The following DPY19L3 variants were observed in gnomAD, a reference collection of about 807,000 sequenced individuals.
DPY19L3 encodes the protein dpy-19 like C-mannosyltransferase 3.
In DPY19L3, 51 loss-of-function variants were observed where a neutral mutation model predicts 92.3. The observed-to-expected ratio is 0.55, with a 90% confidence interval of 0.44 to 0.70. The LOEUF is 0.70. Among genes scored for constraint, DPY19L3 ranks in the 30% least tolerant of loss-of-function variants. The pLI is 0.00. For synonymous variants in DPY19L3, 309 were observed against 315.2 expected, an observed-to-expected ratio of 0.98 and a Z score of 0.21; for missense variants, 706 against 855.9, an observed-to-expected ratio of 0.82 and a Z score of 2.18.
At chr19:32,406,094 G>C (rs1234832721) in intron 1 of DPY19L3, 185 bp downstream of exon 1, 2 of 151,962 alleles carry the variant, frequency 1.3e-5, no homozygotes, top group Non-Finnish European at 2.9e-5. Context: ...TGTCTGCCGG[G>C]ACGCGGGCCG....
At position 32,463,870 on chromosome 19, in the gene DPY19L3, A is replaced by G; in HGVS notation, c.1447A>G (p.Met483Val). 1.2e-6 allele frequency: 2 copies of G among 1,612,516 alleles called. No homozygotes were observed. Among genetic ancestry groups the G allele is most frequent in the Non-Finnish European group, 1.7e-6 (2 of 1,178,838 alleles). ...FGFLALSTMR[M>V]KYLWTSHMCV... ...TTGCGCCTGTGTCTGTTCTTGCAGA[A>G]TGAAGTACCTCTGGACGTCACACAT... Residue 483 changes from methionine (M) to valine (V), a missense_variant and splice_region_variant, in exon 14 of 19, where the codon ATG becomes GTG. Transcript: ENST00000392250.
At chr19:32,406,551 T>C (rs939176915) in intron 1 of DPY19L3, among the ~76,000 whole-genome samples, 4 of 151,840 alleles carry the variant, frequency 2.6e-5, no homozygotes, top group African/African-American at 9.7e-5. Flanking sequence ...AGGGTCTCGC[T>C]CTGTTCCCCA....
intron 16 of DPY19L3, among the ~76,000 whole-genome samples, chr19:32,472,970 T>C (rs1970400918): frequency 6.6e-6 from 1 of 152,236 alleles, no homozygotes. Context: ...CCTATAAGCC[T>C]CTTTTCTATT....
chr19:32,427,429 C>T (rs1191526662), intron 3 of DPY19L3, among the ~76,000 whole-genome samples: 1 of 152,212 alleles, frequency 6.6e-6, no homozygotes, highest in Admixed American at 6.5e-5. Flanking sequence ...CAACATCACT[C>T]TTTCTTTTTA....
intron 12 of DPY19L3, among the ~76,000 whole-genome samples, chr19:32,460,399 A>T (rs1969999993): frequency 6.6e-6 from 1 of 152,156 alleles, no homozygotes; most frequent in Admixed American, 6.5e-5. Flanking sequence ...TAACAGAGTG[A>T]GACCCTATCT....
Position 32,463,368 on chromosome 19 carries a change from A to T in DPY19L3, c.1325A>T (p.Asp442Val). The T allele has an allele frequency of 6.2e-7, 1 of 1,613,526 alleles. No individual in the cohort carries two copies. The highest frequency in any genetic ancestry group is 8.5e-7 in the Non-Finnish European group (1 of 1,179,656). ...TTGTATGTTGCTGTTTTACTCAGTG[A>T]TTCTACAAATCAACAATCCGTGGGT... The part of the protein sequence containing the change: ...AFVVAFHNLS[D>V]STNQQSVGKM... The change falls in exon 13 of 19, where the codon GAT becomes GTT. Residue 442 changes from aspartate (D) to valine (V), a missense_variant and splice_region_variant. Coordinates refer to ENST00000392250, the MANE Select transcript of DPY19L3 (RefSeq NM_001172774.2).
At chr19:32,408,126 A>G in intron 1 of DPY19L3, 91 bp from the exon 2 acceptor site, 1 of 663,526 alleles carries the variant, frequency 1.5e-6, no homozygotes, top group Non-Finnish European at 2.7e-6. Context: ...TAGAGGGAAA[A>G]TGGCATAAGT....
chr19:32,439,664 T>A (rs1969262062), intron 7 of DPY19L3, 112 bp from the exon 8 acceptor site: 3 of 1,080,156 alleles, frequency 2.8e-6, no homozygotes, highest in African/African-American at 3.2e-5. Context: ...AGCAACAGTT[T>A]ATGGTTTTTC....
intron 1 of DPY19L3, among the ~76,000 whole-genome samples, chr19:32,406,628 A>C (rs375455546): frequency 6.6e-6 from 1 of 152,156 alleles, no homozygotes; most frequent in Non-Finnish European, 1.5e-5. Flanking sequence ...CTGGGATTAC[A>C]TGAGCCGCCT....
rs1295684610 is a variant in DPY19L3, at chr19:32,423,448, C to CCATGT, written c.238-9265_238-9261dup. Among the ~76,000 whole-genome samples the CCATGT allele has an allele frequency of 7.6e-5, 9 of 117,750 alleles. No individual in the cohort carries two copies. The East Asian group carries it at 2.2e-3, about 29-fold the overall frequency. The allele number at this position is 117,750 out of a possible 152,430, so 77.2% of individuals were successfully genotyped here. On this transcript the variant is annotated intron_variant, in intron 3 of 18. Coordinates refer to ENST00000392250, the MANE Select transcript of DPY19L3 (RefSeq NM_001172774.2). Reference sequence around the variant, plus strand: ...TATTTTTAGTAGAGACAGGGTTTTGCCATGTCAGGCTGTTCGAGACATGCC... The same window carrying CCATGT: ...TATTTTTAGTAGAGACAGGGTTTTGCCATGTCATGTCAGGCTGTTCGAGACATGCC...
chr19:32,440,420 G>A (rs1969286053), intron 8 of DPY19L3, among the ~76,000 whole-genome samples: 1 of 152,122 alleles, frequency 6.6e-6, no homozygotes, highest in South Asian at 2.1e-4. Flanking sequence ...ATTTTTTCAT[G>A]TGCAAAAATA....
chr19:32,437,474 G>A, intron 6 of DPY19L3, 135 bp downstream of exon 6: 1 of 1,017,000 alleles, frequency 9.8e-7, no homozygotes, highest in Non-Finnish European at 1.4e-6. Context: ...TTGCCTGGTG[G>A]TTTACTCAAT....
At chr19:32,438,719 A>G (rs1969228382) in intron 6 of DPY19L3, among the ~76,000 whole-genome samples, 1 of 152,200 alleles carries the variant, frequency 6.6e-6, no homozygotes, top group Non-Finnish European at 1.5e-5. Context: ...TGTCAATGAC[A>G]TATTTAAGAC....
chr19:32,445,440 CAAAAAAAAAA>C (rs71336904), intron 8 of DPY19L3, among the ~76,000 whole-genome samples: 1 of 42,824 alleles, frequency 2.3e-5, no homozygotes, highest in Admixed American at 4.1e-4. Flanking sequence ...GACTTCATCT[CAAAAAAAAAA>C]AAAAAAAAAA....
chr19:32,459,778 C>T (rs1343552040), intron 12 of DPY19L3, among the ~76,000 whole-genome samples: 2 of 152,156 alleles, frequency 1.3e-5, no homozygotes, highest in Non-Finnish European at 2.9e-5. Flanking sequence ...GATTTTAGAG[C>T]ATCTTCATCT....
chr19:32,466,426 T>A (rs1436005098), intron 15 of DPY19L3, among the ~76,000 whole-genome samples: 1 of 152,192 alleles, frequency 6.6e-6, no homozygotes, highest in Non-Finnish European at 1.5e-5. Context: ...AGTGGCACAT[T>A]GACACTTGGG....
chr19:32,406,702 T>G (rs1178140224), intron 1 of DPY19L3, among the ~76,000 whole-genome samples: 1 of 152,208 alleles, frequency 6.6e-6, no homozygotes, highest in Non-Finnish European at 1.5e-5. Context: ...TTCAGTTGTT[T>G]ACAATGGCAT....
chr19:32,434,055 G>A (rs1445471958), intron 4 of DPY19L3, among the ~76,000 whole-genome samples: 1 of 152,142 alleles, frequency 6.6e-6, no homozygotes, highest in African/African-American at 2.4e-5. Context: ...AAGAAAAGCA[G>A]GCTTAGTATT....
intron 3 of DPY19L3, 79 bp downstream of exon 3, chr19:32,411,451 C>A (rs780594178): frequency 1.3e-6 from 2 of 1,506,162 alleles, no homozygotes; most frequent in Admixed American, 3.6e-5. Flanking sequence ...ATGACCAAGG[C>A]AACACAGTTT....
Sources: allele counts gnomAD v4.1 joint callset (sites outside exome capture counted in the v4.1 genomes callset), GRCh38; gene constraint gnomAD v4.1.1; transcripts MANE v1.5; gene names NCBI Gene and HGNC (gene_info 2026-07-23, HGNC 2026-07-21).